NLGN1: variants seen among roughly 807,000 people sequenced by gnomAD.
NLGN1 encodes the protein neuroligin 1.
NLGN1 carries 12 observed loss-of-function variants against 65.5 expected under a neutral mutation model. That is an observed-to-expected ratio of 0.18 (90% confidence interval 0.12 to 0.30). The LOEUF (loss-of-function observed/expected upper bound fraction) is 0.30, where lower values mean the gene tolerates loss of function less well. Ranked by LOEUF, NLGN1 falls within the 10% of genes least tolerant of loss-of-function variation. The pLI, the probability that NLGN1 is intolerant of heterozygous loss-of-function variation, is 1.00. For synonymous variants in NLGN1, 350 were observed against 359.5 expected (o/e 0.97, Z 0.30); for missense variants, 750 against 1,007.1 (o/e 0.74, Z 3.46).
intron 4 of NLGN1, among the ~76,000 whole-genome samples, chr3:173,960,044 C>T (rs575384741): frequency 7.9e-5 from 12 of 152,160 alleles, no homozygotes; most frequent in Admixed American, 1.3e-4. Context: ...AACATTTTCT[C>T]AGATTTTGGA....
chr3:174,212,078 G>A (rs913582677), intron 4 of NLGN1, among the ~76,000 whole-genome samples: 4 of 152,316 alleles, frequency 2.6e-5, no homozygotes, highest in South Asian at 4.1e-4. Context: ...GCGGGGGAAG[G>A]CTCAGGCATG....
chr3:173,766,088 C>CT (rs34830188), intron 3 of NLGN1, among the ~76,000 whole-genome samples: 4,161 of 135,842 alleles, frequency 0.031, 111 homozygotes, highest in African/African-American at 0.071. Context: ...TATGTTTTGT[C>CT]TTTTTTTTTT....
intron 3 of NLGN1, among the ~76,000 whole-genome samples, chr3:173,788,531 C>T (rs1337109149): frequency 6.6e-6 from 1 of 151,732 alleles, no homozygotes; most frequent in Admixed American, 6.6e-5. Context: ...CATAAATGAT[C>T]CTATGAAATT....
At chr3:173,496,908 T>C (rs1037660796) in intron 2 of NLGN1, among the ~76,000 whole-genome samples, 2 of 151,894 alleles carry the variant, frequency 1.3e-5, no homozygotes, top group African/African-American at 4.9e-5. Context: ...CAGAAGACTT[T>C]TTACTTTTCT....
At chr3:174,100,308 T>C (rs919563967) in intron 4 of NLGN1, among the ~76,000 whole-genome samples, 3 of 152,126 alleles carry the variant, frequency 2.0e-5, no homozygotes, top group African/African-American at 7.2e-5. Flanking sequence ...TAATTTTAGC[T>C]ACTCTATAAT....
chr3:173,400,923 A>G (rs1223515703), intron 1 of NLGN1, among the ~76,000 whole-genome samples: 1 of 152,248 alleles, frequency 6.6e-6, no homozygotes, highest in Non-Finnish European at 1.5e-5. Flanking sequence ...TTTATCTCAC[A>G]TAATAAAAAG....
intron 1 of NLGN1, among the ~76,000 whole-genome samples, chr3:173,429,936 C>T (rs897468777): frequency 2.0e-5 from 3 of 152,196 alleles, no homozygotes; most frequent in South Asian, 2.1e-4. Context: ...TGAAGAATAG[C>T]TGCTGAGTTT....
chr3:174,132,074 G>A (rs1165007555), intron 4 of NLGN1, among the ~76,000 whole-genome samples: 1 of 152,200 alleles, frequency 6.6e-6, no homozygotes, highest in Admixed American at 6.5e-5. Context: ...AGGACAGAAG[G>A]TGTGTGTTCC....
At chr3:174,283,771 T>G (rs1349345394) in exon 7 of NLGN1, 1 of 151,464 alleles carries the variant, frequency 6.6e-6, no homozygotes, top group East Asian at 1.9e-4. Context: ...ATACAGCTTT[T>G]GACTGAGGTG....
At chr3:173,877,320 C>A (rs1433796949) in intron 4 of NLGN1, among the ~76,000 whole-genome samples, 2 of 151,922 alleles carry the variant, frequency 1.3e-5, no homozygotes, top group Non-Finnish European at 2.9e-5. Context: ...TTAGATAGAC[C>A]AAATTGTGGG....
In NLGN1 at chr3:174,055,113, C is replaced by T. The variant is rs1026532833; in HGVS notation, c.647-220202C>T. On this transcript the variant is annotated intron_variant, in intron 4 of 6. Coordinates refer to ENST00000457714, the Ensembl canonical transcript of NLGN1. ...TATTGCCTGGATCTGAACATGTGTG[C>T]TCAATTTTCTGAATATCAACTCCTT... Among the ~76,000 whole-genome samples the T allele has an allele frequency of 2.0e-5, 3 of 150,182 alleles. 1 individual carries two copies. Among genetic ancestry groups the T allele is most frequent in the African/African-American group, 7.4e-5 (3 of 40,696 alleles).
intron 4 of NLGN1, among the ~76,000 whole-genome samples, chr3:173,987,340 C>T (rs1053185706): frequency 3.3e-5 from 5 of 152,120 alleles, no homozygotes; most frequent in Admixed American, 3.3e-4. Context: ...CTGTTATTGA[C>T]TCAAGAAATC....
intron 3 of NLGN1, among the ~76,000 whole-genome samples, chr3:173,790,190 A>G (rs1259249948): frequency 2.6e-5 from 4 of 152,066 alleles, no homozygotes; most frequent in Admixed American, 1.3e-4. Flanking sequence ...GTATATATAT[A>G]CATATGTGTG....
At chr3:174,225,204 A>C (rs1324842408) in intron 4 of NLGN1, among the ~76,000 whole-genome samples, 1 of 152,192 alleles carries the variant, frequency 6.6e-6, no homozygotes, top group Non-Finnish European at 1.5e-5. Context: ...TCAATAAAAC[A>C]TATGGCCACT....
intron 3 of NLGN1, among the ~76,000 whole-genome samples, chr3:173,630,344 A>C (rs183800334): frequency 2.4e-4 from 37 of 152,278 alleles, no homozygotes; most frequent in African/African-American, 8.7e-4. Context: ...TCACATACTT[A>C]TCTGATTTTC....
chr3:174,254,721 C>T (rs1745366535), intron 4 of NLGN1, among the ~76,000 whole-genome samples: 1 of 151,936 alleles, frequency 6.6e-6, no homozygotes, highest in Non-Finnish European at 1.5e-5. Flanking sequence ...TTTTCCTTTC[C>T]TTTAGAAATA....
chr3:173,503,410 C>T (rs894035638), intron 2 of NLGN1, among the ~76,000 whole-genome samples: 31 of 152,042 alleles, frequency 2.0e-4, no homozygotes, highest in African/African-American at 6.8e-4. Flanking sequence ...GCATGACCCT[C>T]TTCTGGGCTT....
At chr3:173,596,160 C>T (rs185906850) in intron 2 of NLGN1, among the ~76,000 whole-genome samples, 9 of 152,140 alleles carry the variant, frequency 5.9e-5, no homozygotes, top group Admixed American at 5.9e-4. Flanking sequence ...TTGGCCTTTT[C>T]TCATTAACAT....
chr3:173,565,538 T>G (rs78637071), intron 2 of NLGN1, among the ~76,000 whole-genome samples: 3,588 of 152,170 alleles, frequency 0.024, 55 homozygotes, highest in Middle Eastern at 0.048. Context: ...ATGATGGGCA[T>G]AGGGGAGGGT....
Sources: allele counts gnomAD v4.1 joint callset (sites outside exome capture counted in the v4.1 genomes callset), GRCh38; gene constraint gnomAD v4.1.1; transcripts MANE v1.5; gene names NCBI Gene and HGNC (gene_info 2026-07-23, HGNC 2026-07-21).